Variants in EPHA5 observed in about 807,000 individuals in gnomAD.
EPHA5 encodes ephrin type-A receptor 5.
In EPHA5, 60 loss-of-function variants were observed where a neutral mutation model predicts 105.0. That is an observed-to-expected ratio of 0.57 (90% CI 0.46 to 0.71). The LOEUF (loss-of-function observed/expected upper bound fraction) is 0.71. Ranked by LOEUF, EPHA5 falls within the 30% of genes least tolerant of loss-of-function variation. The pLI is 0.00. For synonymous variants in EPHA5, 513 were observed against 449.1 expected, an observed-to-expected ratio of 1.14 and a Z score of -1.80; for missense variants, 1,218 against 1,274.7, an observed-to-expected ratio of 0.96 and a Z score of 0.68.
chr4:65,537,883 C>A (rs1317821516), intron 3 of EPHA5, among the ~76,000 whole-genome samples: 1 of 151,658 alleles, frequency 6.6e-6, no homozygotes, highest in African/African-American at 2.4e-5. Context: ...ATAATCATCA[C>A]AAAAATTATT....
intron 3 of EPHA5, among the ~76,000 whole-genome samples, chr4:65,544,723 T>C (rs1737206156): frequency 6.6e-6 from 1 of 152,024 alleles, no homozygotes. Flanking sequence ...ATCCCATTAC[T>C]GGGTATATAC....
In EPHA5 at chr4:65,414,433, G is replaced by A. The variant is rs1399006211; in HGVS notation, c.1538C>T (p.Thr513Ile). ...EIKYFEKDQE[T>I]SYTIIKSKET... is the part of the protein sequence containing the mutation. ...TTTAGATTTGATAATCGTGTAGCTG[G>A]TCTCTTGGTCCTTGGGATGCGCATG... The change falls in exon 7 of 17, where the codon ACC (threonine) becomes ATC (isoleucine). Residue 513 changes from threonine (T) to isoleucine (I), a missense_variant. By Grantham distance (89) the Thr-to-Ile change is moderately conservative. This residue lies in a region of EPHA5 where 971 missense variants were observed against 1,013.5 expected (regional missense o/e 0.96). Transcript: ENST00000613740. The A allele has an allele frequency of 1.9e-6, 3 of 1,613,694 alleles. No homozygotes were observed. Among genetic ancestry groups the A allele is most frequent in the African/African-American group, 1.3e-5 (1 of 74,870 alleles).
chr4:65,397,121 C>A (rs1721319271), intron 8 of EPHA5, among the ~76,000 whole-genome samples: 1 of 152,206 alleles, frequency 6.6e-6, no homozygotes, highest in Non-Finnish European at 1.5e-5. Flanking sequence ...CCACTGAAGA[C>A]CAGACTGTCC....
chr4:65,425,235 T>C (rs937987361), intron 5 of EPHA5, among the ~76,000 whole-genome samples: 2 of 152,138 alleles, frequency 1.3e-5, no homozygotes, highest in Admixed American at 6.6e-5. Context: ...AGTCATGTGT[T>C]AGTTCATTTA....
intron 3 of EPHA5, among the ~76,000 whole-genome samples, chr4:65,514,951 A>G (rs1158402133): frequency 6.6e-6 from 1 of 152,084 alleles, no homozygotes; most frequent in Non-Finnish European, 1.5e-5. Flanking sequence ...TAATGAAACA[A>G]TAATTCCTAT....
At chr4:65,392,683 AAGGATT>A in intron 8 of EPHA5, among the ~76,000 whole-genome samples, 1 of 152,212 alleles carries the variant, frequency 6.6e-6, no homozygotes, top group South Asian at 2.1e-4. Context: ...ATGGGATCAA[AAGGATT>A]ATATTTGTTT....
intron 2 of EPHA5, among the ~76,000 whole-genome samples, chr4:65,623,538 G>T (rs1745886124): frequency 6.6e-6 from 1 of 152,072 alleles, no homozygotes; most frequent in African/African-American, 2.4e-5. Context: ...ATAGCATCAG[G>T]TTTGTGATAA....
chr4:65,616,137 A>G (rs1745216123), intron 2 of EPHA5, among the ~76,000 whole-genome samples: 1 of 151,982 alleles, frequency 6.6e-6, no homozygotes, highest in South Asian at 2.1e-4. Flanking sequence ...AAAAGAAGGA[A>G]CTGATGAATC....
intron 3 of EPHA5, among the ~76,000 whole-genome samples, chr4:65,533,859 G>A (rs1736051232): frequency 6.6e-6 from 1 of 151,944 alleles, no homozygotes; most frequent in African/African-American, 2.4e-5. Context: ...ACTTGAACCT[G>A]GGAGGCAGAG....
intron 5 of EPHA5, among the ~76,000 whole-genome samples, chr4:65,481,142 C>T (rs1383085522): frequency 1.2e-4 from 18 of 152,120 alleles, no homozygotes; most frequent in East Asian, 1.2e-3. Context: ...CAAAGATCGT[C>T]TGTGTCTAAA....
intron 5 of EPHA5, among the ~76,000 whole-genome samples, chr4:65,468,040 A>G (rs1055742053): frequency 1.3e-5 from 2 of 152,196 alleles, no homozygotes; most frequent in Admixed American, 1.3e-4. Context: ...GATTTTAGTC[A>G]GAGAAGATAC....
At chr4:65,403,937 A>C (rs1234813570) in intron 8 of EPHA5, among the ~76,000 whole-genome samples, 1 of 152,100 alleles carries the variant, frequency 6.6e-6, no homozygotes, top group Non-Finnish European at 1.5e-5. Context: ...CTTTGTATAC[A>C]CCACCCTGTT....
intron 5 of EPHA5, among the ~76,000 whole-genome samples, chr4:65,441,720 CTG>C (rs1260696966): frequency 1.3e-5 from 2 of 152,038 alleles, no homozygotes; most frequent in African/African-American, 2.4e-5. Flanking sequence ...CGCACTGACT[CTG>C]TAAAACATAT....
chr4:65,564,670 G>A (rs956190775), intron 3 of EPHA5, among the ~76,000 whole-genome samples: 14 of 151,664 alleles, frequency 9.2e-5, no homozygotes, highest in Admixed American at 8.6e-4. Flanking sequence ...GTTCTGCAAT[G>A]TTTTATACAT....
chr4:65,437,245 G>A (rs1725563336), intron 5 of EPHA5, among the ~76,000 whole-genome samples: 1 of 151,930 alleles, frequency 6.6e-6, no homozygotes, highest in African/African-American at 2.4e-5. Context: ...AAAGAAGGCA[G>A]AGCCATCCTA....
In EPHA5 at chr4:65,514,624, T is replaced by A. The variant is rs1163078960; in HGVS notation, c.911-19081A>T. 2.0e-5 allele frequency among the ~76,000 whole-genome samples: 3 copies of A among 152,208 alleles called. No homozygotes were observed. In the East Asian group the frequency reaches 5.8e-4, roughly 29 times the overall value. Reference sequence around the variant, plus strand: ...TCTAGGCCTTGTCTAAATGGCAGATTTGTAATCAAAATTACTGAGTTCAGT... The same window carrying A: ...TCTAGGCCTTGTCTAAATGGCAGATATGTAATCAAAATTACTGAGTTCAGT... On this transcript the variant is annotated intron_variant, in intron 3 of 16. Transcript: ENST00000613740.
chr4:65,555,107 C>G (rs12644315), intron 3 of EPHA5, among the ~76,000 whole-genome samples: 132,455 of 151,688 alleles, frequency 0.87, 57,945 homozygotes, highest in Admixed American at 0.9. Flanking sequence ...TTCATTTCCA[C>G]TATACCAAAG....
chr4:65,654,429 TTGAG>T (rs1436911420), intron 1 of EPHA5, among the ~76,000 whole-genome samples: 2 of 151,826 alleles, frequency 1.3e-5, no homozygotes, highest in East Asian at 1.9e-4. Context: ...CAAATATTTA[TTGAG>T]TATCTACTTA....
Position 65,472,532 on chromosome 4 carries a change from G to A in EPHA5, c.1402+17845C>T, listed in dbSNP as rs564305420. 8.5e-5 allele frequency among the ~76,000 whole-genome samples: 13 copies of A among 152,290 alleles called. 1 individual carries two copies. In the South Asian group the frequency reaches 2.3e-3, roughly 27 times the overall value. On this transcript the variant is annotated intron_variant, in intron 5 of 16. Transcript: ENST00000613740. The stretch of plus-strand genomic sequence containing the variant: ...TTTCCATACATCCTCTGAAATCTAG[G>A]TTCCCAAACCTCAATTCTTGACTTC...
Sources: gnomAD v4.1 joint callset for allele counts (sites outside exome capture counted in the v4.1 genomes callset) on GRCh38, gnomAD v4.1.1 for gene constraint, gnomAD v4.1.1 regional missense constraint, MANE v1.5 for transcripts, NCBI Gene and HGNC (gene_info 2026-07-23, HGNC 2026-07-21) for gene names.